The following DNM3 variants were observed in gnomAD, a reference collection of about 807,000 sequenced individuals.
DNM3 encodes the protein dynamin-3.
In DNM3, 47 loss-of-function variants were observed where a neutral mutation model predicts 101.6. The ratio of observed to expected loss-of-function variants is 0.46; its 90% confidence interval spans 0.37 to 0.59. The LOEUF (loss-of-function observed/expected upper bound fraction) is 0.59, where lower values mean the gene tolerates loss of function less well. Among genes scored for constraint, DNM3 ranks in the 20% least tolerant of loss-of-function variants. The probability of loss-of-function intolerance (pLI) is 0.00; values close to 1 mark genes in which losing one functional copy is unlikely to be tolerated. For missense variants in DNM3, 849 were observed against 1,085.7 expected, an observed-to-expected ratio of 0.78 and a Z score of 3.06; for synonymous variants, 385 against 387.9, an observed-to-expected ratio of 0.99 and a Z score of 0.09.
At chr1:171,925,229 A>ATT (rs200095447) in intron 2 of DNM3, among the ~76,000 whole-genome samples, 3 of 141,542 alleles carry the variant, frequency 2.1e-5, no homozygotes, top group African/African-American at 7.8e-5. Flanking sequence ...AATTCTTTTT[A>ATT]TTTTATTTTT....
At chr1:172,247,172 G>T (rs922690248) in intron 14 of DNM3, among the ~76,000 whole-genome samples, 1 of 152,062 alleles carries the variant, frequency 6.6e-6, no homozygotes, top group Non-Finnish European at 1.5e-5. Context: ...GGTACTTCGC[G>T]TGTGGTCTAC....
At chr1:172,397,243 T>A (rs879375024) in intron 20 of DNM3, 1 of 152,638 alleles carries the variant, frequency 6.6e-6, no homozygotes, top group Non-Finnish European at 1.5e-5. Context: ...TAAAACTTCA[T>A]GTGAGGCAAA....
Position 172,163,954 on chromosome 1 carries a change from TATACACAC to T in DNM3, c.1659+32668_1659+32675del, listed in dbSNP as rs140112243. On this transcript the variant is annotated intron_variant, in intron 14 of 20. Transcript: ENST00000627582. ...GCATATATACACATGCATACATATA[TATACACAC>T]ACACACACACACACACACACACACA... Among the ~76,000 whole-genome samples, 638 of 112,230 alleles carry T rather than the reference TATACACAC, an allele frequency of 5.7e-3. 4 individuals are homozygous for T. Among genetic ancestry groups the T allele is most frequent in the Non-Finnish European group, 8.8e-3 (480 of 54,764 alleles). The allele number at this position is 112,230 out of a possible 152,430, so 73.6% of individuals were successfully genotyped here.
At chr1:171,897,466 A>G (rs901597372) in intron 1 of DNM3, among the ~76,000 whole-genome samples, 2 of 152,174 alleles carry the variant, frequency 1.3e-5, no homozygotes, top group East Asian at 1.9e-4. Flanking sequence ...AATGTCAAGG[A>G]TAGACCTTTA....
At chr1:171,881,154 G>T (rs367632046) in intron 1 of DNM3, among the ~76,000 whole-genome samples, 11 of 151,982 alleles carry the variant, frequency 7.2e-5, no homozygotes, top group Middle Eastern at 3.4e-3. Flanking sequence ...ACATTATATT[G>T]ATCTATTTAC....
chr1:171,962,795 A>C (rs989241838), intron 2 of DNM3, among the ~76,000 whole-genome samples: 10 of 152,204 alleles, frequency 6.6e-5, no homozygotes, highest in Non-Finnish European at 1.5e-4. Flanking sequence ...ACAAACATTC[A>C]GTCTACAACA....
chr1:172,009,490 T>C (rs2046971874), intron 4 of DNM3, among the ~76,000 whole-genome samples: 1 of 151,638 alleles, frequency 6.6e-6, no homozygotes, highest in Non-Finnish European at 1.5e-5. Flanking sequence ...AGGTTTAAAT[T>C]AATTAAATTA....
At chr1:172,148,167 G>A (rs1572723302) in intron 14 of DNM3, among the ~76,000 whole-genome samples, 3 of 151,974 alleles carry the variant, frequency 2.0e-5, no homozygotes, top group African/African-American at 7.2e-5. Context: ...TTGTTAAAAT[G>A]CCAATTAATT....
intron 1 of DNM3, among the ~76,000 whole-genome samples, chr1:171,895,566 A>T (rs2037710252): frequency 6.6e-6 from 1 of 151,840 alleles, no homozygotes; most frequent in African/African-American, 2.4e-5. Flanking sequence ...AGATTGCAAA[A>T]TTTTTCTCCC....
chr1:171,942,022 A>G (rs529531537), intron 2 of DNM3, among the ~76,000 whole-genome samples: 130 of 152,232 alleles, frequency 8.5e-4, no homozygotes, highest in African/African-American at 2.9e-3. Flanking sequence ...ATTTTCGGTT[A>G]TAAAAATCTG....
intron 4 of DNM3, among the ~76,000 whole-genome samples, chr1:172,010,000 A>C (rs2047004284): frequency 6.6e-6 from 1 of 151,768 alleles, no homozygotes; most frequent in Admixed American, 6.6e-5. Flanking sequence ...ACTTTTGCTT[A>C]GGTGCTTTTT....
At chr1:172,127,528 C>CTTGGG (rs2056706369) in intron 13 of DNM3, among the ~76,000 whole-genome samples, 1 of 151,620 alleles carries the variant, frequency 6.6e-6, no homozygotes, top group Admixed American at 6.6e-5. Flanking sequence ...CCTACCTCAG[C>CTTGGG]CTCCCAAGTA....
intron 17 of DNM3, among the ~76,000 whole-genome samples, chr1:172,377,891 A>G (rs1415140441): frequency 6.6e-6 from 1 of 152,002 alleles, no homozygotes; most frequent in Non-Finnish European, 1.5e-5. Flanking sequence ...GTGGCCCATC[A>G]ATATGCTTTT....
chr1:172,010,683 TG>T (rs1212500621), intron 4 of DNM3, among the ~76,000 whole-genome samples: 28 of 3,298 alleles, frequency 8.5e-3, no homozygotes, highest in African/African-American at 0.061. Flanking sequence ...TGGTATGTTT[TG>T]TGTGTGTGTG....
At chr1:172,086,037 T>C (rs1157127306) in intron 12 of DNM3, among the ~76,000 whole-genome samples, 1 of 152,194 alleles carries the variant, frequency 6.6e-6, no homozygotes, top group African/African-American at 2.4e-5. Flanking sequence ...CTTGAAAGGA[T>C]ACCATTCACA....
intron 14 of DNM3, among the ~76,000 whole-genome samples, chr1:172,223,384 A>G (rs760401349): frequency 6.6e-6 from 1 of 150,462 alleles, no homozygotes; most frequent in Admixed American, 6.7e-5. Flanking sequence ...TTGTATATCC[A>G]TTCTGTCATA....
rs138708147 is a variant in DNM3, at chr1:172,228,176, A to G, written c.1660-25397A>G. ...AGTGTGTCATTGCTATGAGTCTTTTATAGTTTCAGGTTTTATGCCAAATGT... is the reference window on the plus strand; with the variant it reads ...AGTGTGTCATTGCTATGAGTCTTTTGTAGTTTCAGGTTTTATGCCAAATGT... On this transcript the variant is annotated intron_variant, in intron 14 of 20. Transcript: ENST00000627582. Among the ~76,000 whole-genome samples the G allele has an allele frequency of 4.6e-4, 70 of 151,854 alleles. No homozygotes were observed. In the East Asian group the frequency reaches 9.5e-3, roughly 21 times the overall value.
chr1:172,035,210 A>T (rs757515853), intron 6 of DNM3, among the ~76,000 whole-genome samples: 101 of 152,134 alleles, frequency 6.6e-4, no homozygotes, highest in Non-Finnish European at 1.2e-3. Flanking sequence ...AGTCACCAAG[A>T]TGGGGAACCC....
At chr1:172,386,978 A>T (rs2069217934) in intron 18 of DNM3, 155 bp from the exon 19 acceptor site, 1 of 626,338 alleles carries the variant, frequency 1.6e-6, no homozygotes. Context: ...AGACAAAACA[A>T]AAGTAAACAG....
Sources: allele counts gnomAD v4.1 joint callset (sites outside exome capture counted in the v4.1 genomes callset), GRCh38; gene constraint gnomAD v4.1.1; transcripts MANE v1.5; gene names NCBI Gene and HGNC (gene_info 2026-07-23, HGNC 2026-07-21).